TMEM30A: variants seen among roughly 807,000 people sequenced by gnomAD.
TMEM30A encodes the protein cell cycle control protein 50A.
TMEM30A carries 24 observed loss-of-function variants against 38.2 expected under a neutral mutation model. That is an observed-to-expected ratio of 0.63 (90% CI 0.46 to 0.88). TMEM30A has a LOEUF of 0.88. Ranked by LOEUF, TMEM30A falls within the 40% of genes least tolerant of loss-of-function variation. TMEM30A has a pLI of 0.00. For synonymous variants in TMEM30A, 145 were observed against 161.6 expected (o/e 0.90, Z 0.78); for missense variants, 370 against 458.6 (o/e 0.81, Z 1.77).
At chr6:75,264,089 T>C (rs1317306781) in intron 3 of TMEM30A, among the ~76,000 whole-genome samples, 2 of 152,204 alleles carry the variant, frequency 1.3e-5, no homozygotes, top group Non-Finnish European at 2.9e-5. Context: ...CAAAATATCA[T>C]AGGCCTAACC....
Position 75,259,422 on chromosome 6 carries a change from T to C in TMEM30A, c.610A>G (p.Ile204Val), listed in dbSNP as rs1562386056. 6.2e-7 allele frequency: 1 copy of C among 1,613,554 alleles called. No individual in the cohort carries two copies. Among genetic ancestry groups the C allele is most frequent in the Non-Finnish European group, 8.5e-7 (1 of 1,179,654 alleles). ...PIPIALKKKG[I>V]AWWTDKNVKF... is the part of the protein sequence containing the mutation. ...ACATTTTTATCTGTCCACCAAGCAA[T>C]ACCTTTCTTTTTCAAAGCGATAGGT... Residue 204 changes from isoleucine (I) to valine (V), a missense_variant, in exon 5 of 7, where the codon ATT becomes GTT. Ile to Val is a conservative substitution (Grantham distance 29). Coordinates refer to ENST00000230461, the MANE Select transcript of TMEM30A (RefSeq NM_018247.4).
chr6:75,259,406 T>C lies in TMEM30A; in HGVS notation c.626A>G (p.Asp209Gly), dbSNP rs1771924360. The C allele has an allele frequency of 6.2e-7, 1 of 1,613,696 alleles. No individual in the cohort carries two copies. Residue 209 changes from aspartate to glycine, a missense_variant, in exon 5 of 7, where the codon GAT becomes GGT. Coordinates refer to ENST00000230461, the MANE Select transcript of TMEM30A (RefSeq NM_018247.4). Reference protein sequence around the residue: ...LKKKGIAWWTDKNVKFRNPPG... With the variant: ...LKKKGIAWWTGKNVKFRNPPG... Reference sequence around the variant, plus strand: ...GGGATTTCTGAATTTCACATTTTTATCTGTCCACCAAGCAATACCTTTCTT... The same window carrying C: ...GGGATTTCTGAATTTCACATTTTTACCTGTCCACCAAGCAATACCTTTCTT...
Position 75,255,614 on chromosome 6 carries a change from A to C in TMEM30A, c.*488T>G, listed in dbSNP as rs1192041334. On this transcript the variant is annotated 3_prime_UTR_variant, in exon 7 of 7. Coordinates refer to ENST00000230461, the MANE Select transcript of TMEM30A (RefSeq NM_018247.4). ...AAGATGGTACTTTAAGCATTTATAC[A>C]CATGAAAATGATGAAGTGTATTATT... The C allele has an allele frequency of 6.5e-6, 1 of 152,888 alleles. No individual in the cohort carries two copies. Among genetic ancestry groups the C allele is most frequent in the Non-Finnish European group, 1.5e-5 (1 of 68,230 alleles). The allele number at this position is 152,888 out of a possible 1,614,324, so 9.5% of individuals were successfully genotyped here.
At chr6:75,280,292 T>C (rs948356088) in intron 1 of TMEM30A, among the ~76,000 whole-genome samples, 1 of 152,140 alleles carries the variant, frequency 6.6e-6, no homozygotes, top group Non-Finnish European at 1.5e-5. Flanking sequence ...GTATGATTCA[T>C]TAAAACTCTA....
intron 1 of TMEM30A, among the ~76,000 whole-genome samples, chr6:75,280,318 AT>A (rs1005828551): frequency 6.6e-6 from 1 of 152,064 alleles, no homozygotes; most frequent in Admixed American, 6.5e-5. Context: ...TGGGCAGGCA[AT>A]TTTTTTCTGT....
chr6:75,275,704 C>CATCA (rs1038712308), intron 1 of TMEM30A, among the ~76,000 whole-genome samples: 4 of 152,146 alleles, frequency 2.6e-5, no homozygotes, highest in African/African-American at 9.7e-5. Context: ...CTGTGACCAC[C>CATCA]ATCATCTCCT....
rs539830230 is a variant in TMEM30A at position 75,276,588 on chromosome 6, T to C, written c.237+7814A>G. On this transcript the variant is annotated intron_variant, in intron 1 of 6. Transcript: ENST00000230461. ...ATGTGGTGTCAGAAGTGTTGAGTGG[T>C]GTGCGAGACTAGGAAATATGCTTTG... 2.6e-5 allele frequency among the ~76,000 whole-genome samples: 4 copies of C among 152,300 alleles called. No individual in the cohort carries two copies. In the East Asian group the frequency reaches 7.7e-4, roughly 29 times the overall value.
rs755084442 is a variant in TMEM30A, at chr6:75,256,309, AG to A, written c.893-15del. 1.9e-6 allele frequency: 3 copies of A among 1,579,418 alleles called. No individual in the cohort carries two copies. Among genetic ancestry groups the A allele is most frequent in the Non-Finnish European group, 2.6e-6 (3 of 1,162,456 alleles). On this transcript the variant is annotated splice_polypyrimidine_tract_variant and intron_variant, in intron 6 of 6. Coordinates refer to ENST00000230461, the MANE Select transcript of TMEM30A (RefSeq NM_018247.4). ...GTACAGGGTAATCTGAAGAGGGTATAGGAAGATTTTTCCATCTCTGGTTACT... is the reference window on the plus strand; with the variant it reads ...GTACAGGGTAATCTGAAGAGGGTATAGAAGATTTTTCCATCTCTGGTTACT...
At chr6:75,267,847 A>G (rs895954797) in intron 1 of TMEM30A, 99 bp from the exon 2 acceptor site, 1 of 727,958 alleles carries the variant, frequency 1.4e-6, no homozygotes. Context: ...AAGTCCAATG[A>G]AATGACCTAG....
intron 1 of TMEM30A, among the ~76,000 whole-genome samples, chr6:75,269,507 T>C (rs755240534): frequency 6.6e-6 from 1 of 152,194 alleles, no homozygotes; most frequent in Non-Finnish European, 1.5e-5. Context: ...TAATATCCAC[T>C]GTGTGGATGT....
Position 75,284,689 on chromosome 6 carries a change from C to T in TMEM30A, c.-51G>A, listed in dbSNP as rs746433846. 4.4e-6 allele frequency: 7 copies of T among 1,587,760 alleles called. No individual in the cohort carries two copies. Among genetic ancestry groups the T allele is most frequent in the Admixed American group, 3.3e-5 (2 of 59,972 alleles). Reference sequence around the variant, plus strand: ...TTTGCAGGTGGACCACCCAGGGGGCCCGCCGGCTGACCCTGACAGGAACCG... The same window carrying T: ...TTTGCAGGTGGACCACCCAGGGGGCTCGCCGGCTGACCCTGACAGGAACCG... On this transcript the variant is annotated 5_prime_UTR_variant, in exon 1 of 7. Transcript: ENST00000230461.
In TMEM30A at chr6:75,277,093, A is replaced by G. The variant is rs554235088; in HGVS notation, c.237+7309T>C. 8.5e-4 allele frequency among the ~76,000 whole-genome samples: 129 copies of G among 152,226 alleles called. 2 individuals carry two copies. The Middle Eastern group carries it at 0.024, about 28-fold the overall frequency. ...ATTCTTCTTCATAGGATTTTTTACC[A>G]TTTAACATACTTCAAATGCAGCAAA... is the stretch of plus-strand genomic sequence containing the variant. On this transcript the variant is annotated intron_variant, in intron 1 of 6. Coordinates refer to ENST00000230461, the MANE Select transcript of TMEM30A (RefSeq NM_018247.4).
chr6:75,260,838 T>C lies in TMEM30A; in HGVS notation c.527A>G (p.Asn176Ser), dbSNP rs1771953824. ...CTATATCATACCATTAAACATGCTG[T>C]TGGCAATAGCTCCACAAGGAGCAAT... ...KPIAPCGAIANSMFNDTLELF... is the reference protein window; with the variant it reads ...KPIAPCGAIASSMFNDTLELF... Residue 176 changes from asparagine (N) to serine (S), a missense_variant, in exon 4 of 7, where the codon AAC (asparagine) becomes AGC (serine). Transcript: ENST00000230461. The C allele has an allele frequency of 6.3e-7, 1 of 1,593,226 alleles. No individual in the cohort carries two copies. Among genetic ancestry groups the C allele is most frequent in the African/African-American group, 1.4e-5 (1 of 73,880 alleles).
intron 6 of TMEM30A, among the ~76,000 whole-genome samples, chr6:75,258,273 T>C (rs1771902829): frequency 6.6e-6 from 1 of 152,228 alleles, no homozygotes; most frequent in African/African-American, 2.4e-5. Flanking sequence ...AATAAATGTA[T>C]TTATCAGCAC....
chr6:75,259,891 T>C (rs954575673), intron 4 of TMEM30A, among the ~76,000 whole-genome samples: 2 of 152,202 alleles, frequency 1.3e-5, no homozygotes, highest in African/African-American at 2.4e-5. Flanking sequence ...TACTGAGTCT[T>C]TCATATGTGG....
chr6:75,273,500 G>C (rs1489055930), intron 1 of TMEM30A, among the ~76,000 whole-genome samples: 1 of 139,002 alleles, frequency 7.2e-6, no homozygotes, highest in Non-Finnish European at 1.6e-5. Context: ...AAAAAAAAAA[G>C]TATAGGTGGT....
rs1407004614 is a variant in TMEM30A, at chr6:75,282,008, A to C, written c.237+2394T>G. 2.6e-5 allele frequency among the ~76,000 whole-genome samples: 4 copies of C among 152,336 alleles called. No individual in the cohort carries two copies. In the East Asian group the frequency reaches 7.7e-4, roughly 29 times the overall value. On this transcript the variant is annotated intron_variant, in intron 1 of 6. Coordinates refer to ENST00000230461, the MANE Select transcript of TMEM30A (RefSeq NM_018247.4). ...CAACTGTATGTCAGTGTCAGTAAAA[A>C]ATTCCCAATTATTCTTAATTTTCAT...
chr6:75,281,130 T>C (rs534835373), intron 1 of TMEM30A, among the ~76,000 whole-genome samples: 2 of 152,276 alleles, frequency 1.3e-5, no homozygotes, highest in African/African-American at 4.8e-5. Context: ...TAACTTGAAG[T>C]AAATGTTTAG....
intron 1 of TMEM30A, among the ~76,000 whole-genome samples, chr6:75,274,463 G>T (rs572495581): frequency 1.3e-5 from 2 of 152,210 alleles, no homozygotes; most frequent in Non-Finnish European, 1.5e-5. Flanking sequence ...TGTGCAGAGA[G>T]ATTAAAGAGA....
Sources: gnomAD v4.1 joint callset for allele counts (sites outside exome capture counted in the v4.1 genomes callset) on GRCh38, gnomAD v4.1.1 for gene constraint, MANE v1.5 for transcripts, NCBI Gene and HGNC (gene_info 2026-07-23, HGNC 2026-07-21) for gene names.